Variants in PTAR1 observed in about 807,000 individuals in gnomAD.
PTAR1 encodes the protein protein prenyltransferase alpha subunit repeat-containing protein 1.
In PTAR1, 17 loss-of-function variants were observed where a neutral mutation model predicts 45.5. The observed-to-expected ratio is 0.37, with a 90% confidence interval of 0.26 to 0.56. The LOEUF is 0.56. Ranked by LOEUF, PTAR1 falls within the 20% of genes least tolerant of loss-of-function variation. PTAR1 has a pLI of 0.77. For synonymous variants in PTAR1, 169 were observed against 171.3 expected (o/e 0.99, Z 0.11); for missense variants, 391 against 476.3 (o/e 0.82, Z 1.67).
At chr9:69,733,886 G>A (rs370270482) in intron 4 of PTAR1, among the ~76,000 whole-genome samples, 7 of 152,172 alleles carry the variant, frequency 4.6e-5, no homozygotes, top group Admixed American at 3.9e-4. Context: ...ATTAACTCAC[G>A]TAAACTTGAC....
At chr9:69,750,740 G>A (rs778788574) in intron 2 of PTAR1, 41 bp downstream of exon 2, 67 of 1,454,732 alleles carry the variant, frequency 4.6e-5, no homozygotes, top group East Asian at 7.0e-5. Flanking sequence ...ATTCCATGTC[G>A]CTTCTAAAAA....
At chr9:69,753,531 T>A (rs1037841927) in intron 1 of PTAR1, among the ~76,000 whole-genome samples, 1 of 152,134 alleles carries the variant, frequency 6.6e-6, no homozygotes, top group African/African-American at 2.4e-5. Context: ...TACATACATA[T>A]CAGTATCAGG....
chr9:69,759,631 G>T (rs973706945), intron 1 of PTAR1, among the ~76,000 whole-genome samples: 2 of 151,890 alleles, frequency 1.3e-5, no homozygotes, highest in African/African-American at 4.8e-5. Context: ...TTGATTTTTT[G>T]AGGTCACTTC....
chr9:69,750,279 A>G (rs1826464065), intron 2 of PTAR1, among the ~76,000 whole-genome samples: 1 of 152,104 alleles, frequency 6.6e-6, no homozygotes, highest in Admixed American at 6.6e-5. Context: ...CCAGAGCTCA[A>G]CTGGAACTTG....
intron 5 of PTAR1, among the ~76,000 whole-genome samples, chr9:69,725,360 C>A (rs767771731): frequency 1.3e-5 from 2 of 151,958 alleles, no homozygotes; most frequent in East Asian, 3.9e-4. Flanking sequence ...GAGGCTGGGG[C>A]GGACGGATCA....
intron 3 of PTAR1, among the ~76,000 whole-genome samples, chr9:69,741,091 G>T (rs1313275861): frequency 6.6e-6 from 1 of 152,082 alleles, no homozygotes; most frequent in African/African-American, 2.4e-5. Flanking sequence ...GAATGTCTCA[G>T]GGCTCAGTCT....
intron 2 of PTAR1, among the ~76,000 whole-genome samples, chr9:69,746,602 A>G (rs1826286496): frequency 6.6e-6 from 1 of 152,240 alleles, no homozygotes; most frequent in Non-Finnish European, 1.5e-5. Flanking sequence ...TTGAAATTAA[A>G]CAGGTCTCTC....
Position 69,723,365 on chromosome 9 carries a change from A to G in PTAR1, c.908T>C (p.Ile303Thr). 5 of 1,613,910 alleles carry G rather than the reference A, an allele frequency of 3.1e-6. No individual in the cohort carries two copies. Among genetic ancestry groups the G allele is most frequent in the South Asian group, 2.2e-5 (2 of 91,080 alleles). Residue 303 changes from isoleucine to threonine, a missense_variant, in exon 6 of 8, where the codon ATT becomes ACT. Physicochemically the swap from Ile to Thr is moderately conservative, Grantham distance 89. Around this residue, in one of 5 missense-constraint regions of PTAR1, gnomAD observed 181 missense variants for 227.7 expected, o/e 0.80. Coordinates refer to ENST00000340434, the MANE Select transcript of PTAR1 (RefSeq NM_001099666.2). ...GGTTTCATGTCCTGGGTAGGAATCAATAAGATCAGTGCTGAATTCAACTTC... is the reference window on the plus strand; with the variant it reads ...GGTTTCATGTCCTGGGTAGGAATCAGTAAGATCAGTGCTGAATTCAACTTC... ...EEEVEFSTDL[I>T]DSYPGHETLW...
At chr9:69,746,676 A>T (rs1467877291) in intron 2 of PTAR1, among the ~76,000 whole-genome samples, 1 of 152,214 alleles carries the variant, frequency 6.6e-6, no homozygotes, top group Admixed American at 6.5e-5. Context: ...ACAATATATG[A>T]CTAACCCATC....
At chr9:69,740,357 G>A (rs1825986400) in intron 3 of PTAR1, among the ~76,000 whole-genome samples, 1 of 151,290 alleles carries the variant, frequency 6.6e-6, no homozygotes, top group Non-Finnish European at 1.5e-5. Context: ...TATGCTCAAC[G>A]GGCTTATAGA....
intron 5 of PTAR1, among the ~76,000 whole-genome samples, chr9:69,729,568 A>G (rs938870140): frequency 2.6e-5 from 4 of 152,140 alleles, no homozygotes; most frequent in Admixed American, 6.5e-5. Flanking sequence ...GCACTTAATT[A>G]AGGCACTTTG....
intron 2 of PTAR1, among the ~76,000 whole-genome samples, chr9:69,743,829 C>CAA (rs1298431353): frequency 6.6e-6 from 1 of 152,012 alleles, no homozygotes; most frequent in Non-Finnish European, 1.5e-5. Flanking sequence ...AGGTTATCTT[C>CAA]AAGTTGGAGA....
chr9:69,730,485 C>T (rs1825484256), intron 5 of PTAR1, among the ~76,000 whole-genome samples: 1 of 151,098 alleles, frequency 6.6e-6, no homozygotes, highest in Non-Finnish European at 1.5e-5. Flanking sequence ...ATATCTCTTT[C>T]CTCTTCCCAC....
In PTAR1 at chr9:69,718,320, T is replaced by G. The variant is rs755388721; in HGVS notation, c.*22A>C. 2.6e-6 allele frequency: 4 copies of G among 1,543,002 alleles called. No individual in the cohort carries two copies. Among genetic ancestry groups the G allele is most frequent in the Non-Finnish European group, 3.5e-6 (4 of 1,133,436 alleles). On this transcript the variant is annotated 3_prime_UTR_variant, in exon 8 of 8. Coordinates refer to ENST00000340434, the MANE Select transcript of PTAR1 (RefSeq NM_001099666.2). ...GCAATATTGCACTAAAAGGGGAACC[T>G]TGTAGGACTAATTCACCTCTTTCAT...
At chr9:69,738,467 T>G (rs1412987124) in intron 3 of PTAR1, among the ~76,000 whole-genome samples, 1 of 152,150 alleles carries the variant, frequency 6.6e-6, no homozygotes, top group Non-Finnish European at 1.5e-5. Context: ...GTCTATTGTC[T>G]CTTACTTATA....
chr9:69,718,129 C>A lies in PTAR1; in HGVS notation c.*213G>T, dbSNP rs184622934. The A allele has an allele frequency of 4.4e-6, 2 of 455,694 alleles. No individual in the cohort carries two copies. The highest frequency in any genetic ancestry group is 7.8e-6 in the Non-Finnish European group (2 of 257,164). 28.2% of individuals were successfully genotyped at this position (455,694 alleles called of 1,614,324 possible). On this transcript the variant is annotated 3_prime_UTR_variant, in exon 8 of 8. Coordinates refer to ENST00000340434, the MANE Select transcript of PTAR1 (RefSeq NM_001099666.2). ...AACAGAAAATTTAAGACTCGCTGTT[C>A]AGCAGGAAGGAACTATACGATTATT...
At chr9:69,730,759 C>T (rs1169243771) in intron 5 of PTAR1, among the ~76,000 whole-genome samples, 2 of 151,740 alleles carry the variant, frequency 1.3e-5, no homozygotes, top group African/African-American at 4.8e-5. Context: ...ACAGGACAGT[C>T]GGTGGGTATG....
At chr9:69,734,576 T>G (rs1213702336) in intron 3 of PTAR1, among the ~76,000 whole-genome samples, 1 of 152,142 alleles carries the variant, frequency 6.6e-6, no homozygotes. Context: ...CTGGCCTATC[T>G]CATTTCCAAA....
intron 2 of PTAR1, among the ~76,000 whole-genome samples, chr9:69,746,543 T>C (rs551645046): frequency 2.0e-4 from 30 of 152,316 alleles, no homozygotes; most frequent in African/African-American, 6.7e-4. Context: ...CGCCATTTCC[T>C]CTGCAGTTTC....
Sources: gnomAD v4.1 joint callset for allele counts (sites outside exome capture counted in the v4.1 genomes callset) on GRCh38, gnomAD v4.1.1 for gene constraint, gnomAD v4.1.1 regional missense constraint, MANE v1.5 for transcripts, NCBI Gene and HGNC (gene_info 2026-07-23, HGNC 2026-07-21) for gene names.